The following ZNF407 variants were observed in gnomAD, a reference collection of about 807,000 sequenced individuals.
ZNF407 encodes zinc finger protein 407.
In ZNF407, 17 loss-of-function variants were observed where a neutral mutation model predicts 131.2. The ratio of observed to expected loss-of-function variants is 0.13; its 90% CI spans 0.09 to 0.19. The LOEUF is 0.19. ZNF407 is among the 10% of genes least tolerant of loss of function. The pLI is 1.00. For missense variants in ZNF407, 2,681 were observed against 2,830.6 expected, an observed-to-expected ratio of 0.95 and a Z score of 1.20; for synonymous variants, 1,156 against 1,062.0, an observed-to-expected ratio of 1.09 and a Z score of -1.72.
At chr18:74,775,116 A>G (rs577520863) in intron 3 of ZNF407, among the ~76,000 whole-genome samples, 3 of 152,262 alleles carry the variant, frequency 2.0e-5, no homozygotes, top group Non-Finnish European at 4.4e-5. Flanking sequence ...AACCTTCAAC[A>G]TAAAATTAGA....
intron 3 of ZNF407, among the ~76,000 whole-genome samples, chr18:74,650,247 G>T (rs532090290): frequency 6.6e-6 from 1 of 152,194 alleles, no homozygotes; most frequent in Admixed American, 6.5e-5. Context: ...TTAGTTCTTA[G>T]CTGAAAAGTT....
At chr18:74,977,943 A>C (rs982658313) in intron 8 of ZNF407, among the ~76,000 whole-genome samples, 2 of 152,226 alleles carry the variant, frequency 1.3e-5, no homozygotes, top group African/African-American at 2.4e-5. Flanking sequence ...GCAAGTTTAC[A>C]TGAAATTTGC....
rs150165911 is a variant in ZNF407, at chr18:74,656,764, A to T, written c.4802+15642A>T. ...GATCAAATGTAGCTGAGTGAGGAAG[A>T]TTGTTGAGTAATGTATAGATTATTT... On this transcript the variant is annotated intron_variant, in intron 3 of 8. Transcript: ENST00000299687. Among the ~76,000 whole-genome samples, 1,437 of 152,302 alleles carry T rather than the reference A, an allele frequency of 9.4e-3. 21 individuals are homozygous for T. Among genetic ancestry groups the T allele is most frequent in the South Asian group, 0.05 (243 of 4,816 alleles).
At chr18:74,862,946 G>A (rs1230868798) in intron 4 of ZNF407, among the ~76,000 whole-genome samples, 2 of 140,240 alleles carry the variant, frequency 1.4e-5, no homozygotes, top group African/African-American at 2.6e-5. Context: ...TTGAGATGAA[G>A]TTTTGCTCTT....
intron 4 of ZNF407, among the ~76,000 whole-genome samples, chr18:74,838,918 C>A (rs1415873910): frequency 6.6e-6 from 1 of 151,804 alleles, no homozygotes; most frequent in Non-Finnish European, 1.5e-5. Context: ...TAGGAGTTAT[C>A]TATTTTTAAA....
chr18:74,714,822 T>TG (rs893891893), intron 3 of ZNF407, among the ~76,000 whole-genome samples: 3 of 152,300 alleles, frequency 2.0e-5, no homozygotes, highest in East Asian at 1.9e-4. Flanking sequence ...TCAGATTTCT[T>TG]GGGGGGTAGA....
chr18:74,941,743 C>T (rs78293502), intron 8 of ZNF407, among the ~76,000 whole-genome samples: 1,731 of 152,144 alleles, frequency 0.011, 33 homozygotes, highest in African/African-American at 0.038. Context: ...AAAATGCTTT[C>T]GTAGGCTAGG....
chr18:74,754,802 A>G (rs1359001425), intron 3 of ZNF407, among the ~76,000 whole-genome samples: 1 of 152,116 alleles, frequency 6.6e-6, no homozygotes, highest in East Asian at 1.9e-4. Context: ...GTGCGATGTG[A>G]TGCTGAGAAG....
At chr18:74,721,612 A>C (rs1689744388) in intron 3 of ZNF407, among the ~76,000 whole-genome samples, 1 of 152,180 alleles carries the variant, frequency 6.6e-6, no homozygotes, top group African/African-American at 2.4e-5. Context: ...TTATTTTCAA[A>C]ATATTTGTCT....
chr18:74,829,615 G>GC (rs1487676465), intron 4 of ZNF407, among the ~76,000 whole-genome samples: 5 of 152,078 alleles, frequency 3.3e-5, no homozygotes, highest in Admixed American at 1.3e-4. Flanking sequence ...AAGGAAATCT[G>GC]CCCCAGGAAT....
intron 3 of ZNF407, among the ~76,000 whole-genome samples, chr18:74,755,757 C>CTTTCTTTCT (rs1968932887): frequency 8.4e-6 from 1 of 118,766 alleles, no homozygotes; most frequent in Non-Finnish European, 1.6e-5. Context: ...TTCTTTCTTT[C>CTTTCTTTCT]TTTCTTTCTT....
intron 8 of ZNF407, among the ~76,000 whole-genome samples, chr18:74,990,090 A>T (rs1268157731): frequency 1.3e-5 from 2 of 152,142 alleles, no homozygotes; most frequent in East Asian, 3.9e-4. Flanking sequence ...ATTATTGGAG[A>T]TTTCTATGAC....
intron 8 of ZNF407, among the ~76,000 whole-genome samples, chr18:74,970,178 G>T (rs1254839393): frequency 6.7e-6 from 1 of 150,348 alleles, no homozygotes; most frequent in Non-Finnish European, 1.5e-5. Flanking sequence ...CCCCCCTCCA[G>T]TCCCTCCCAC....
chr18:74,682,629 T>C (rs1047969770), intron 3 of ZNF407, among the ~76,000 whole-genome samples: 2 of 152,226 alleles, frequency 1.3e-5, no homozygotes, highest in African/African-American at 4.8e-5. Flanking sequence ...TTGGTTGTTA[T>C]GATTCCATCT....
chr18:74,911,795 TTCC>T (rs1971676279), intron 7 of ZNF407, among the ~76,000 whole-genome samples: 1 of 152,176 alleles, frequency 6.6e-6, no homozygotes, highest in Admixed American at 6.5e-5. Flanking sequence ...TGTCAAGTGG[TTCC>T]CCCAAAATCA....
intron 3 of ZNF407, among the ~76,000 whole-genome samples, chr18:74,692,565 C>T (rs1250328241): frequency 6.6e-6 from 1 of 152,122 alleles, no homozygotes; most frequent in Non-Finnish European, 1.5e-5. Flanking sequence ...AGTTCCTGCC[C>T]TTTTTCCTTG....
intron 8 of ZNF407, among the ~76,000 whole-genome samples, chr18:74,931,412 C>T (rs951870594): frequency 6.6e-6 from 1 of 152,100 alleles, no homozygotes; most frequent in Non-Finnish European, 1.5e-5. Context: ...ATAACCATTT[C>T]CCCCAAAGAC....
Position 74,877,374 on chromosome 18 carries a change from C to T in ZNF407, c.5044+11C>T, listed in dbSNP as rs1367970434. The T allele has an allele frequency of 6.2e-7, 1 of 1,609,174 alleles. No individual in the cohort carries two copies. ...ACAGGACGCACACAGGTGTGCCGCG[C>T]CGCCTTCCTATCCCAGGAGGCTGGG... On this transcript the variant is annotated intron_variant, in intron 5 of 8. Coordinates refer to ENST00000299687, the MANE Select transcript of ZNF407 (RefSeq NM_017757.3).
intron 8 of ZNF407, among the ~76,000 whole-genome samples, chr18:74,997,976 A>G (rs1283104526): frequency 6.6e-6 from 1 of 151,944 alleles, no homozygotes; most frequent in East Asian, 1.9e-4. Flanking sequence ...TGTGGAGATC[A>G]CTCTCACAGC....
Sources: allele counts gnomAD v4.1 joint callset (sites outside exome capture counted in the v4.1 genomes callset), GRCh38; gene constraint gnomAD v4.1.1; transcripts MANE v1.5; gene names NCBI Gene and HGNC (gene_info 2026-07-23, HGNC 2026-07-21).